PLEKHG1: variants seen among roughly 807,000 people sequenced by gnomAD.
PLEKHG1 encodes pleckstrin homology and RhoGEF domain containing G1, also known as pleckstrin homology domain-containing family G member 1.
Under a neutral mutation model 100.8 loss-of-function variants are expected in PLEKHG1, and 44 were observed. The observed-to-expected ratio is 0.44, with a 90% CI of 0.34 to 0.56. The LOEUF is 0.56. Ranked by LOEUF, PLEKHG1 falls within the 20% of genes least tolerant of loss-of-function variation. PLEKHG1 has a pLI of 0.01. For missense variants in PLEKHG1, 1,545 were observed against 1,720.9 expected, an observed-to-expected ratio of 0.90 and a Z score of 1.81; for synonymous variants, 640 against 662.5, an observed-to-expected ratio of 0.97 and a Z score of 0.52.
intron 2 of PLEKHG1, among the ~76,000 whole-genome samples, chr6:150,641,244 T>G (rs1401562805): frequency 6.6e-6 from 1 of 152,170 alleles, no homozygotes; most frequent in African/African-American, 2.4e-5. Flanking sequence ...TATTCTAAAA[T>G]AAACAAGTTT....
At chr6:150,649,763 G>A (rs866846163) in intron 2 of PLEKHG1, among the ~76,000 whole-genome samples, 2 of 152,214 alleles carry the variant, frequency 1.3e-5, no homozygotes, top group Admixed American at 1.3e-4. Flanking sequence ...TGTAATCCCA[G>A]CACTTTGGGA....
intron 11 of PLEKHG1, among the ~76,000 whole-genome samples, chr6:150,818,711 G>A (rs1442086272): frequency 2.0e-5 from 3 of 152,170 alleles, no homozygotes; most frequent in Admixed American, 6.5e-5. Context: ...AAATGTTACA[G>A]GTCCTTCCTA....
chr6:150,603,969 G>A (rs1189359635), intron 1 of PLEKHG1, among the ~76,000 whole-genome samples: 1 of 152,116 alleles, frequency 6.6e-6, no homozygotes, highest in Non-Finnish European at 1.5e-5. Context: ...CTTTCACTCG[G>A]TCTTTAATTA....
chr6:150,606,750 A>C (rs753514512), intron 1 of PLEKHG1, among the ~76,000 whole-genome samples: 1 of 152,142 alleles, frequency 6.6e-6, no homozygotes, highest in Non-Finnish European at 1.5e-5. Context: ...GCTGTAATCA[A>C]GTATGCATTC....
intron 3 of PLEKHG1, among the ~76,000 whole-genome samples, chr6:150,777,750 T>A (rs1156844618): frequency 1.3e-5 from 2 of 148,690 alleles, no homozygotes; most frequent in Non-Finnish European, 3.0e-5. Flanking sequence ...GCACGTGTGG[T>A]TGCACACTAC....
intron 2 of PLEKHG1, among the ~76,000 whole-genome samples, chr6:150,646,227 A>C (rs562524635): frequency 1.3e-5 from 2 of 152,222 alleles, no homozygotes; most frequent in East Asian, 3.9e-4. Context: ...TGTTTGCAGG[A>C]TGGCTGCAGC....
At chr6:150,611,064 A>T (rs76616591) in intron 1 of PLEKHG1, among the ~76,000 whole-genome samples, 1,706 of 152,338 alleles carry the variant, frequency 0.011, 11 homozygotes, top group Non-Finnish European at 0.016. Context: ...TCACCTGGGC[A>T]TATAGATCAT....
chr6:150,697,088 C>T (rs1448213932), intron 3 of PLEKHG1, among the ~76,000 whole-genome samples: 1 of 104,282 alleles, frequency 9.6e-6, no homozygotes, highest in East Asian at 2.9e-4. Flanking sequence ...CAGAGTGAGA[C>T]TCTGTCTAAA....
intron 3 of PLEKHG1, among the ~76,000 whole-genome samples, chr6:150,700,173 C>G (rs9478786): frequency 0.061 from 9,215 of 152,232 alleles, 351 homozygotes; most frequent in South Asian, 0.12. Flanking sequence ...GCCAGGAGAC[C>G]CTGCCAGGCT....
At chr6:150,785,476 C>T (rs1005580544) in intron 3 of PLEKHG1, among the ~76,000 whole-genome samples, 3 of 152,108 alleles carry the variant, frequency 2.0e-5, no homozygotes, top group Non-Finnish European at 4.4e-5. Flanking sequence ...TTCATTGAAT[C>T]AATTATGGTA....
intron 3 of PLEKHG1, among the ~76,000 whole-genome samples, chr6:150,654,357 C>T (rs898164922): frequency 6.6e-6 from 1 of 152,218 alleles, no homozygotes; most frequent in African/African-American, 2.4e-5. Flanking sequence ...TGCCATTGCT[C>T]AGCACAGCGG....
intron 3 of PLEKHG1, chr6:150,663,956 A>G (rs1449288047): frequency 6.6e-6 from 1 of 152,210 alleles, no homozygotes; most frequent in Admixed American, 6.5e-5. Flanking sequence ...TTATCAGAAC[A>G]CTTTGTACTG....
At chr6:150,611,463 C>T (rs1776824152) in intron 1 of PLEKHG1, among the ~76,000 whole-genome samples, 1 of 152,178 alleles carries the variant, frequency 6.6e-6, no homozygotes, top group East Asian at 1.9e-4. Flanking sequence ...AGAGCCCCTT[C>T]CTATTAAAAA....
intron 2 of PLEKHG1, among the ~76,000 whole-genome samples, chr6:150,641,984 C>A: frequency 6.7e-6 from 1 of 148,302 alleles, no homozygotes; most frequent in Non-Finnish European, 1.5e-5. Context: ...AACACATTTC[C>A]CGAATAAAGT....
At chr6:150,754,827 C>A (rs985998025) in intron 2 of PLEKHG1, among the ~76,000 whole-genome samples, 1 of 151,982 alleles carries the variant, frequency 6.6e-6, no homozygotes, top group Non-Finnish European at 1.5e-5. Context: ...CACCACCACA[C>A]CCGGCTAATT....
intron 3 of PLEKHG1, among the ~76,000 whole-genome samples, chr6:150,682,324 C>T (rs373993295): frequency 2.0e-5 from 3 of 152,116 alleles, no homozygotes; most frequent in African/African-American, 7.2e-5. Flanking sequence ...AAGTGTGGCA[C>T]AAAACACTGT....
At chr6:150,708,741 G>C (rs1005897858) in intron 3 of PLEKHG1, among the ~76,000 whole-genome samples, 8 of 152,190 alleles carry the variant, frequency 5.3e-5, no homozygotes, top group African/African-American at 1.9e-4. Flanking sequence ...CAGGTGTACA[G>C]TTAGCTCAGC....
chr6:150,745,318 G>A (rs1329869425), intron 2 of PLEKHG1, among the ~76,000 whole-genome samples: 2 of 152,312 alleles, frequency 1.3e-5, no homozygotes, highest in South Asian at 4.1e-4. Context: ...CATATCTGCA[G>A]TCCATCAGTG....
At position 150,799,324 on chromosome 6, in the gene PLEKHG1, T is replaced by C. The variant is rs567541881; in HGVS notation, c.630-1395T>C. On this transcript the variant is annotated intron_variant, in intron 5 of 15. Transcript: ENST00000358517. ...TCCCCCTTTGGATCCTGTCTGGTGA[T>C]ATTAAATGTCACAGGCACATCTTGA... is the stretch of plus-strand genomic sequence containing the variant. 8.5e-5 allele frequency among the ~76,000 whole-genome samples: 13 copies of C among 152,332 alleles called. No homozygotes were observed. In the East Asian group the frequency reaches 2.5e-3, roughly 29 times the overall value.
Sources: allele counts gnomAD v4.1 joint callset (sites outside exome capture counted in the v4.1 genomes callset), GRCh38; gene constraint gnomAD v4.1.1; transcripts MANE v1.5; gene names NCBI Gene and HGNC (gene_info 2026-07-23, HGNC 2026-07-21).